The following GALNT13 variants were observed in gnomAD, a reference collection of about 807,000 sequenced individuals.
GALNT13 encodes UDP-GalNAc:polypeptide N-acetylgalactosaminyltransferase 13.
In GALNT13, 28 loss-of-function variants were observed where a neutral mutation model predicts 64.2. That is an observed-to-expected ratio of 0.44 (90% confidence interval 0.32 to 0.60). GALNT13 has a LOEUF of 0.60. GALNT13 is among the 20% of genes least tolerant of loss of function. GALNT13 has a pLI of 0.05. For missense variants in GALNT13, 577 were observed against 669.8 expected (o/e 0.86, Z 1.53); for synonymous variants, 214 against 224.6 (o/e 0.95, Z 0.42).
intron 3 of GALNT13, among the ~76,000 whole-genome samples, chr2:154,106,044 C>A (rs1405642665): frequency 6.6e-6 from 1 of 152,176 alleles, no homozygotes; most frequent in Non-Finnish European, 1.5e-5. Context: ...TCTCCCCTTT[C>A]AGTGCTATTT....
In GALNT13 at chr2:154,194,859, A is replaced by ATTT. The variant is rs5835502; in HGVS notation, c.312-47157_312-47155dup. On this transcript the variant is annotated intron_variant, in intron 4 of 12. Transcript: ENST00000392825. ...ATATCAGCCTGGACTCTAGAGCTGT[A>ATTT]TTTTTTTTTTTTTTTTACTTTAAGT... Among the ~76,000 whole-genome samples the ATTT allele has an allele frequency of 6.6e-3, 948 of 142,590 alleles. 8 individuals carry two copies. The highest frequency in any genetic ancestry group is 0.022 in the Middle Eastern group (6 of 268). 93.5% of individuals were successfully genotyped at this position (142,590 alleles called of 152,430 possible).
At chr2:153,483,835 T>C in the GALNT13 span, among the ~76,000 whole-genome samples, 1 of 152,176 alleles carries the variant, frequency 6.6e-6, no homozygotes, top group African/African-American at 2.4e-5. Context: ...ATGAGGTACC[T>C]AGACTAGCCA....
chr2:153,557,269 T>C, the GALNT13 span, among the ~76,000 whole-genome samples: 1 of 152,236 alleles, frequency 6.6e-6, no homozygotes, highest in Non-Finnish European at 1.5e-5. Context: ...CAGCAGGCCA[T>C]ACCATAAAGC....
chr2:153,908,664 C>A (rs1688740749), intron 2 of GALNT13, among the ~76,000 whole-genome samples: 1 of 151,974 alleles, frequency 6.6e-6, no homozygotes, highest in African/African-American at 2.4e-5. Context: ...TTCCTCATTG[C>A]TTTCTTTTGT....
chr2:154,377,064 C>G (rs1003101229), intron 9 of GALNT13, among the ~76,000 whole-genome samples: 1 of 152,056 alleles, frequency 6.6e-6, no homozygotes, highest in African/African-American at 2.4e-5. Context: ...CTTTATAATT[C>G]TACCTGCAGG....
chr2:154,340,687 T>G (rs1695712500), intron 9 of GALNT13, among the ~76,000 whole-genome samples: 1 of 152,078 alleles, frequency 6.6e-6, no homozygotes, highest in Non-Finnish European at 1.5e-5. Context: ...TATGACAAAG[T>G]CCATGGGACA....
the GALNT13 span, among the ~76,000 whole-genome samples, chr2:153,471,614 G>A: frequency 7.9e-5 from 12 of 152,114 alleles, no homozygotes; most frequent in South Asian, 6.2e-4. Context: ...GGTTCTTTTC[G>A]TTTTCATTGA....
chr2:154,246,629 G>T (rs1326555633), intron 7 of GALNT13, among the ~76,000 whole-genome samples: 1 of 151,916 alleles, frequency 6.6e-6, no homozygotes. Flanking sequence ...ACACATTGTG[G>T]ACCTCTTACC....
At chr2:153,478,679 G>T in the GALNT13 span, 1 of 855,740 alleles carries the variant, frequency 1.2e-6, no homozygotes, top group Non-Finnish European at 1.8e-6. Flanking sequence ...GCGTGCGAGG[G>T]CTCCTCGCTC....
the GALNT13 span, among the ~76,000 whole-genome samples, chr2:153,370,202 T>G: frequency 6.6e-6 from 1 of 152,068 alleles, no homozygotes; most frequent in African/African-American, 2.4e-5. Flanking sequence ...GTTTAAAATG[T>G]TTCAAAAAAA....
At chr2:153,497,535 T>A in the GALNT13 span, among the ~76,000 whole-genome samples, 62 of 113,660 alleles carry the variant, frequency 5.5e-4, no homozygotes, top group African/African-American at 2.0e-3. Context: ...TTTTTTTTTT[T>A]TTTTTTTTTT....
At chr2:153,596,677 A>T in the GALNT13 span, among the ~76,000 whole-genome samples, 2 of 152,096 alleles carry the variant, frequency 1.3e-5, no homozygotes, top group Admixed American at 1.3e-4. Flanking sequence ...TTTAAAGTTC[A>T]TGTAGAAAAA....
the GALNT13 span, among the ~76,000 whole-genome samples, chr2:153,781,608 C>T: frequency 6.6e-6 from 1 of 151,796 alleles, no homozygotes; most frequent in Admixed American, 6.6e-5. Flanking sequence ...TTTGTGTGTA[C>T]ATATACACAA....
At chr2:153,111,009 A>G in the GALNT13 span, among the ~76,000 whole-genome samples, 2 of 152,058 alleles carry the variant, frequency 1.3e-5, no homozygotes, top group African/African-American at 2.4e-5. Context: ...ATCTTTTTTC[A>G]TCTGCTCTAT....
At chr2:153,351,374 C>T in the GALNT13 span, among the ~76,000 whole-genome samples, 1 of 152,056 alleles carries the variant, frequency 6.6e-6, no homozygotes, top group South Asian at 2.1e-4. Context: ...TCCATTATAC[C>T]CCCTGCCCTA....
the GALNT13 span, among the ~76,000 whole-genome samples, chr2:153,428,051 A>C: frequency 6.6e-6 from 1 of 152,240 alleles, no homozygotes; most frequent in Non-Finnish European, 1.5e-5. Flanking sequence ...TAAGACATGC[A>C]TTCAATACAG....
Position 154,451,614 on chromosome 2 carries a change from G to C in GALNT13, c.*1063G>C, listed in dbSNP as rs74986530. 4.6e-5 allele frequency: 7 copies of C among 151,920 alleles called. No individual in the cohort carries two copies. Among genetic ancestry groups the C allele is most frequent in the Admixed American group, 4.6e-4 (7 of 15,214 alleles). 9.4% of individuals were successfully genotyped at this position (151,920 alleles called of 1,614,324 possible). On this transcript the variant is annotated 3_prime_UTR_variant, in exon 13 of 13. Coordinates refer to ENST00000392825, the MANE Select transcript of GALNT13 (RefSeq NM_052917.4). ...CTCAATACACATTCATTAAACTTTT[G>C]TTGTAATTAAACTGCTATATATTGT...
chr2:153,413,796 T>TA, the GALNT13 span, among the ~76,000 whole-genome samples: 5 of 152,320 alleles, frequency 3.3e-5, no homozygotes, highest in Non-Finnish European at 5.9e-5. Flanking sequence ...TAACATAACT[T>TA]ATATGTAAGT....
the GALNT13 span, among the ~76,000 whole-genome samples, chr2:153,243,939 A>C: frequency 1.3e-5 from 2 of 152,130 alleles, no homozygotes; most frequent in Non-Finnish European, 2.9e-5. Context: ...ACATATGGTC[A>C]AATGAATTAA....
Sources: gnomAD v4.1 joint callset for allele counts (sites outside exome capture counted in the v4.1 genomes callset) on GRCh38, gnomAD v4.1.1 for gene constraint, MANE v1.5 for transcripts, NCBI Gene and HGNC (gene_info 2026-07-23, HGNC 2026-07-21) for gene names.